RASA1: variants seen among roughly 807,000 people sequenced by gnomAD.
RASA1 encodes ras GTPase-activating protein 1.
A neutral mutation model predicts 132.2 loss-of-function variants in RASA1; 25 were observed. That is an observed-to-expected ratio of 0.19 (90% CI 0.14 to 0.26). The LOEUF is 0.26. RASA1 is among the 10% of genes least tolerant of loss of function. The pLI is 1.00. For synonymous variants in RASA1, 477 were observed against 449.9 expected (o/e 1.06, Z -0.76); for missense variants, 964 against 1,299.2 (o/e 0.74, Z 3.97).
chr5:87,383,580 T>A (rs1028003171), intron 20 of RASA1, 133 bp from the exon 21 acceptor site: 16 of 613,148 alleles, frequency 2.6e-5, no homozygotes, highest in African/African-American at 2.4e-4. Flanking sequence ...GTCTGGGCTT[T>A]CTTTTATTGG....
chr5:87,330,946 T>C, intron 1 of RASA1: 1 of 1,431,182 alleles, frequency 7.0e-7, no homozygotes, highest in Non-Finnish European at 9.1e-7. Flanking sequence ...AGGTTCCATG[T>C]GCCTTGTGAA....
At chr5:87,272,539 G>T (rs1580184076) in intron 1 of RASA1, among the ~76,000 whole-genome samples, 1 of 141,398 alleles carries the variant, frequency 7.1e-6, no homozygotes, top group Non-Finnish European at 1.6e-5. Context: ...TCATATGATT[G>T]TTTTTTTTTT....
chr5:87,321,142 G>A (rs1580254881), intron 1 of RASA1, among the ~76,000 whole-genome samples: 1 of 152,184 alleles, frequency 6.6e-6, no homozygotes, highest in Admixed American at 6.5e-5. Flanking sequence ...AATGGAAAAC[G>A]AGAATAATTT....
At chr5:87,312,322 G>C (rs973024349) in intron 1 of RASA1, among the ~76,000 whole-genome samples, 2 of 152,198 alleles carry the variant, frequency 1.3e-5, no homozygotes, top group African/African-American at 4.8e-5. Context: ...AAGTTAGATA[G>C]TAAACATTTG....
In RASA1 at chr5:87,346,731, A is replaced by T. The variant is rs1469166961; in HGVS notation, c.1102+7A>T. ...TATAATTTACTAATGACAGGTACTT[A>T]CATATTTACTTGCTTTTCTAATGTC... On this transcript the variant is annotated splice_region_variant and intron_variant, in intron 7 of 24. Coordinates refer to ENST00000274376, the MANE Select transcript of RASA1 (RefSeq NM_002890.3). 1 of 1,533,114 alleles carries T rather than the reference A, an allele frequency of 6.5e-7. No individual in the cohort carries two copies. Among genetic ancestry groups the T allele is most frequent in the Non-Finnish European group, 9.0e-7 (1 of 1,108,778 alleles). 95.0% of individuals were successfully genotyped at this position (1,533,114 alleles called of 1,614,324 possible).
chr5:87,268,771 T>A lies in RASA1; in HGVS notation c.320T>A (p.Val107Asp). The A allele has an allele frequency of 6.2e-7, 1 of 1,613,904 alleles. No individual in the cohort carries two copies. The highest frequency in any genetic ancestry group is 8.5e-7 in the Non-Finnish European group (1 of 1,179,970). ...GCTGCTGGCGTGGCCGGTGCTGCTG[T>A]TGCTGGACCTAGTGGAGACATGGCT... is the stretch of plus-strand genomic sequence containing the variant. ...GAAAGVAGAA[V>D]AGPSGDMALT... is the part of the protein sequence containing the mutation. Residue 107 changes from valine to aspartate, a missense_variant, in exon 1 of 25, where the codon GTT (valine) becomes GAT (aspartate). This residue lies in a region of RASA1 where 326 missense variants were observed against 275.8 expected (regional missense o/e 1.18). Coordinates refer to ENST00000274376, the MANE Select transcript of RASA1 (RefSeq NM_002890.3).
intron 1 of RASA1, among the ~76,000 whole-genome samples, chr5:87,286,096 G>A (rs7341093): frequency 0.032 from 4,837 of 151,788 alleles, 163 homozygotes; most frequent in African/African-American, 0.074. Flanking sequence ...TCCACCTCCC[G>A]CTTCAAGCAA....
At chr5:87,341,848 T>A (rs112052197) in intron 6 of RASA1, among the ~76,000 whole-genome samples, 113 of 152,302 alleles carry the variant, frequency 7.4e-4, no homozygotes, top group Non-Finnish European at 1.5e-3. Context: ...TAATATCTTT[T>A]CAGTACAACA....
At chr5:87,380,466 T>C (rs1226745569) in intron 19 of RASA1, 43 bp from the exon 20 acceptor site, 2 of 1,527,188 alleles carry the variant, frequency 1.3e-6, no homozygotes, top group Non-Finnish European at 1.8e-6. Flanking sequence ...GATCAGTGTT[T>C]TCACTTGCTT....
At chr5:87,371,265 C>T (rs1025328963) in intron 12 of RASA1, among the ~76,000 whole-genome samples, 1 of 151,866 alleles carries the variant, frequency 6.6e-6, no homozygotes, top group East Asian at 1.9e-4. Flanking sequence ...GTGGGGGTCT[C>T]TGGTTATTCT....
intron 23 of RASA1, among the ~76,000 whole-genome samples, chr5:87,388,981 A>G (rs997150971): frequency 6.6e-6 from 1 of 152,130 alleles, no homozygotes; most frequent in Admixed American, 6.5e-5. Context: ...CATGCTACGG[A>G]AAAAAATGGA....
At chr5:87,287,345 TACCATATATAC>T (rs1431555665) in intron 1 of RASA1, among the ~76,000 whole-genome samples, 2 of 145,896 alleles carry the variant, frequency 1.4e-5, no homozygotes, top group African/African-American at 2.5e-5. Context: ...ACCATATATA[TACCATATATAC>T]ACCATATATA....
chr5:87,344,472 T>C (rs1292354283), intron 6 of RASA1, among the ~76,000 whole-genome samples: 1 of 152,118 alleles, frequency 6.6e-6, no homozygotes, highest in Non-Finnish European at 1.5e-5. Context: ...ATCTGTAGTT[T>C]CCTAATCTCC....
At chr5:87,379,203 A>G (rs1035598845) in intron 18 of RASA1, among the ~76,000 whole-genome samples, 1 of 152,184 alleles carries the variant, frequency 6.6e-6, no homozygotes, top group African/African-American at 2.4e-5. Flanking sequence ...AAGGGAAGAA[A>G]TTAGTGATTT....
At chr5:87,376,042 A>G (rs1472851901) in intron 15 of RASA1, among the ~76,000 whole-genome samples, 2 of 152,148 alleles carry the variant, frequency 1.3e-5, no homozygotes, top group Non-Finnish European at 2.9e-5. Context: ...TTTCACCTCC[A>G]CAGGCTGAAT....
chr5:87,338,536 A>ATATATATATATATATATTTTT, intron 5 of RASA1, among the ~76,000 whole-genome samples: 5 of 85,218 alleles, frequency 5.9e-5, no homozygotes, highest in East Asian at 9.9e-4. Context: ...TATATATAAA[A>ATATATATATATATATATTTTT]TTTTTTTTTT....
intron 22 of RASA1, 35 bp downstream of exon 22, chr5:87,385,424 T>C (rs770122596): frequency 8.9e-6 from 13 of 1,462,446 alleles, no homozygotes; most frequent in South Asian, 6.9e-5. Flanking sequence ...ATGTAATTTA[T>C]GAATGCAAGT....
chr5:87,363,079 G>A (rs962983231), intron 10 of RASA1, among the ~76,000 whole-genome samples: 1 of 151,724 alleles, frequency 6.6e-6, no homozygotes, highest in Admixed American at 6.6e-5. Flanking sequence ...TCCAAAACAA[G>A]AATTCTGACA....
intron 1 of RASA1, among the ~76,000 whole-genome samples, chr5:87,275,772 T>C (rs1028344094): frequency 6.6e-5 from 10 of 152,196 alleles, no homozygotes; most frequent in African/African-American, 1.9e-4. Context: ...GGTTTCACCA[T>C]GTTGGCCAGG....
Sources: allele counts gnomAD v4.1 joint callset (sites outside exome capture counted in the v4.1 genomes callset), GRCh38; gene constraint gnomAD v4.1.1; regional missense constraint gnomAD v4.1.1; transcripts MANE v1.5; gene names NCBI Gene and HGNC (gene_info 2026-07-23, HGNC 2026-07-21).